CDH2: variants seen among roughly 807,000 people sequenced by gnomAD.
CDH2 encodes cadherin-2.
CDH2 carries 17 observed loss-of-function variants against 92.0 expected under a neutral mutation model. The ratio of observed to expected loss-of-function variants is 0.18; its 90% CI spans 0.13 to 0.28. The LOEUF (loss-of-function observed/expected upper bound fraction) is 0.28, where lower values mean the gene tolerates loss of function less well. CDH2 is among the 10% of genes least tolerant of loss of function. The pLI, the probability that CDH2 is intolerant of heterozygous loss-of-function variation, is 1.00. For synonymous variants in CDH2, 419 were observed against 415.9 expected, an observed-to-expected ratio of 1.01 and a Z score of -0.09; for missense variants, 862 against 1,133.1, an observed-to-expected ratio of 0.76 and a Z score of 3.44.
chr18:28,107,400 G>T (rs17494655), intron 2 of CDH2, among the ~76,000 whole-genome samples: 1 of 151,960 alleles, frequency 6.6e-6, no homozygotes, highest in African/African-American at 2.4e-5. Flanking sequence ...ATATTAAAAT[G>T]GAAACTGTTG....
At chr18:28,031,711 G>C (rs2013700552) in intron 2 of CDH2, among the ~76,000 whole-genome samples, 1 of 152,100 alleles carries the variant, frequency 6.6e-6, no homozygotes, top group African/African-American at 2.4e-5. Flanking sequence ...GGAATCACGA[G>C]AACTTGGAAA....
At chr18:28,111,529 C>A (rs9946601) in intron 2 of CDH2, among the ~76,000 whole-genome samples, 7,056 of 152,248 alleles carry the variant, frequency 0.046, 194 homozygotes, top group South Asian at 0.082. Flanking sequence ...CAAGACCTAG[C>A]ATTTTATAAA....
At chr18:27,946,981 G>A (rs1567930670), downstream of CDH2, among the ~76,000 whole-genome samples, 1 of 151,700 alleles carries the variant, frequency 6.6e-6, no homozygotes, top group Non-Finnish European at 1.5e-5. Context: ...TATACTAAAT[G>A]CTATGCATAA....
At chr18:27,984,546 T>C (rs937910378) in intron 13 of CDH2, among the ~76,000 whole-genome samples, 6 of 152,158 alleles carry the variant, frequency 3.9e-5, no homozygotes, top group African/African-American at 1.2e-4. Context: ...CAGAAACAAA[T>C]ACCTTGATCC....
intron 5 of CDH2, among the ~76,000 whole-genome samples, chr18:28,007,332 C>T (rs771179826): frequency 1.2e-4 from 18 of 151,650 alleles, no homozygotes; most frequent in Non-Finnish European, 2.4e-4. Context: ...AAAATCCTTT[C>T]CTCTAGAATA....
chr18:28,090,514 C>A (rs1465332063), intron 2 of CDH2, among the ~76,000 whole-genome samples: 1 of 152,154 alleles, frequency 6.6e-6, no homozygotes, highest in Non-Finnish European at 1.5e-5. Context: ...TTCTTCCCCC[C>A]AGGCAGCGTC....
intron 2 of CDH2, among the ~76,000 whole-genome samples, chr18:28,033,025 G>A (rs974182335): frequency 5.3e-5 from 8 of 152,134 alleles, no homozygotes; most frequent in Non-Finnish European, 1.2e-4. Context: ...CATTTCAAGG[G>A]AGAAAGGGAA....
intron 2 of CDH2, among the ~76,000 whole-genome samples, chr18:28,129,574 T>C (rs917192730): frequency 6.6e-6 from 1 of 152,166 alleles, no homozygotes; most frequent in Non-Finnish European, 1.5e-5. Flanking sequence ...ACACTGGTAA[T>C]CCAAGAACTC....
At position 28,088,441 on chromosome 18, in the gene CDH2, T is replaced by C. The variant is rs17468818; in HGVS notation, c.172+59232A>G. On this transcript the variant is annotated intron_variant, in intron 2 of 15. Coordinates refer to ENST00000269141, the MANE Select transcript of CDH2 (RefSeq NM_001792.5). ...CATAATTTTTTTCATTCGAATTAAA[T>C]TGAAAATCATTTGGATGTCTCCAAG... 4.2e-3 allele frequency among the ~76,000 whole-genome samples: 646 copies of C among 152,314 alleles called. 2 individuals are homozygous for C. Among genetic ancestry groups the C allele is most frequent in the Non-Finnish European group, 7.2e-3 (489 of 68,030 alleles).
At position 27,999,934 on chromosome 18, in the gene CDH2, G is replaced by A. The variant is rs374175677; in HGVS notation, c.1020+3063C>T. On this transcript the variant is annotated intron_variant, in intron 7 of 15. Transcript: ENST00000269141. ...CACAAGATCTGATGGTTTTATAAGC[G>A]TCTGGCATTTCCCCTGCTTGCACTC... Among the ~76,000 whole-genome samples, 11 of 151,918 alleles carry A rather than the reference G, an allele frequency of 7.2e-5. No individual in the cohort carries two copies. The East Asian group carries it at 1.4e-3, about 19-fold the overall frequency.
intron 1 of CDH2, chr18:28,159,267 C>G (rs2016268820): frequency 1.3e-5 from 2 of 152,206 alleles, no homozygotes; most frequent in African/African-American, 4.8e-5. Context: ...ATTTTCCATG[C>G]TGGGAGCTCA....
chr18:28,107,223 ATAT>A (rs2015336320), intron 2 of CDH2, among the ~76,000 whole-genome samples: 1 of 151,692 alleles, frequency 6.6e-6, no homozygotes. Flanking sequence ...TATAAATAAT[ATAT>A]TATTGTTATG....
At chr18:27,984,622 T>G (rs2143950739) in intron 13 of CDH2, among the ~76,000 whole-genome samples, 1 of 152,320 alleles carries the variant, frequency 6.6e-6, no homozygotes, top group African/African-American at 2.4e-5. Context: ...AGCAATATAC[T>G]TATTTTCCTA....
At chr18:28,118,832 A>C (rs1178977274) in intron 2 of CDH2, among the ~76,000 whole-genome samples, 1 of 152,076 alleles carries the variant, frequency 6.6e-6, no homozygotes, top group African/African-American at 2.4e-5. Context: ...AAATGGGAAA[A>C]TATGAACTCT....
At chr18:28,023,669 C>A (rs940263991) in intron 2 of CDH2, among the ~76,000 whole-genome samples, 12 of 152,086 alleles carry the variant, frequency 7.9e-5, no homozygotes, top group African/African-American at 1.2e-4. Flanking sequence ...TGCCTCCCTG[C>A]ATACATAATC....
At chr18:27,995,237 C>G (rs1308468859) in intron 7 of CDH2, among the ~76,000 whole-genome samples, 1 of 149,470 alleles carries the variant, frequency 6.7e-6, no homozygotes, top group Admixed American at 6.8e-5. Flanking sequence ...TCACGTGAAC[C>G]CAGGAGGCGG....
intron 2 of CDH2, among the ~76,000 whole-genome samples, chr18:28,084,745 C>T (rs529954007): frequency 4.6e-5 from 7 of 152,254 alleles, no homozygotes; most frequent in Non-Finnish European, 7.4e-5. Context: ...CAGCAAAGCA[C>T]GATCTCTCAT....
At chr18:28,045,903 G>C (rs17535552) in intron 2 of CDH2, among the ~76,000 whole-genome samples, 2 of 152,200 alleles carry the variant, frequency 1.3e-5, no homozygotes, top group Non-Finnish European at 2.9e-5. Context: ...GTAAAGTTCA[G>C]GTTATTTTCT....
At chr18:28,131,872 C>T (rs1357013131) in intron 2 of CDH2, among the ~76,000 whole-genome samples, 1 of 152,140 alleles carries the variant, frequency 6.6e-6, no homozygotes, top group Non-Finnish European at 1.5e-5. Context: ...CTCCCCTTCA[C>T]CTTATTTTCT....
Sources: gnomAD v4.1 joint callset for allele counts (sites outside exome capture counted in the v4.1 genomes callset) on GRCh38, gnomAD v4.1.1 for gene constraint, MANE v1.5 for transcripts, NCBI Gene and HGNC (gene_info 2026-07-23, HGNC 2026-07-21) for gene names.